The following LPP variants were observed in gnomAD, a reference collection of about 807,000 sequenced individuals.
LPP encodes lipoma-preferred partner.
A neutral mutation model predicts 60.4 loss-of-function variants in LPP; 38 were observed. The ratio of observed to expected loss-of-function variants is 0.63; its 90% CI spans 0.49 to 0.83. The LOEUF is 0.83. LPP is among the 40% of genes least tolerant of loss of function. LPP has a pLI of 0.00. For synonymous variants in LPP, 328 were observed against 290.8 expected, an observed-to-expected ratio of 1.13 and a Z score of -1.30; for missense variants, 902 against 783.6, an observed-to-expected ratio of 1.15 and a Z score of -1.80.
At chr3:188,707,664 C>T (rs1865752710) in intron 7 of LPP, among the ~76,000 whole-genome samples, 2 of 152,202 alleles carry the variant, frequency 1.3e-5, no homozygotes, top group East Asian at 3.9e-4. Flanking sequence ...ATCTCATTTC[C>T]TATCTCAAAG....
At chr3:188,191,588 G>T (rs1206056351) in intron 1 of LPP, among the ~76,000 whole-genome samples, 1 of 152,194 alleles carries the variant, frequency 6.6e-6, no homozygotes, top group African/African-American at 2.4e-5. Flanking sequence ...ATCAAATTCA[G>T]TCTGACCCCA....
In LPP at chr3:188,875,444, G is replaced by A; in HGVS notation, c.*965G>A. 4.6e-6 allele frequency: 1 copy of A among 216,274 alleles called. No homozygotes were observed. The highest frequency in any genetic ancestry group is 9.3e-6 in the Non-Finnish European group (1 of 107,400). The allele number at this position is 216,274 out of a possible 1,614,324, so 13.4% of individuals were successfully genotyped here. ...TTGCCTTTTTCTCTAGAGGATGAAGGCTGTGAAAAAACCGTTCAAATTCTC... is the reference window on the plus strand; with the variant it reads ...TTGCCTTTTTCTCTAGAGGATGAAGACTGTGAAAAAACCGTTCAAATTCTC... On this transcript the variant is annotated 3_prime_UTR_variant, in exon 12 of 12. Transcript: ENST00000617246.
rs1008049437 is a variant in LPP, at chr3:188,352,122, CG to C, written c.-10+10404del. Among the ~76,000 whole-genome samples the C allele has an allele frequency of 4.6e-5, 7 of 152,082 alleles. No homozygotes were observed. Among genetic ancestry groups the C allele is most frequent in the African/African-American group, 1.4e-4 (6 of 41,384 alleles). ...TTCTCCTGACTTAACCTTGGGTGGCCGCAGGTCTTAAGGCTCTGTGATGGCA... is the reference window on the plus strand; with the variant it reads ...TTCTCCTGACTTAACCTTGGGTGGCCCAGGTCTTAAGGCTCTGTGATGGCA... On this transcript the variant is annotated intron_variant, in intron 3 of 11. Transcript: ENST00000617246. This position sits in a 1 kb window ranked among gnomAD's most constrained non-coding sequence, Gnocchi z 4.4.
chr3:188,789,084 TTTG>T (rs1443384610), intron 9 of LPP, among the ~76,000 whole-genome samples: 2 of 142,262 alleles, frequency 1.4e-5, no homozygotes, highest in Non-Finnish European at 3.0e-5. Context: ...TAGTGAGTCT[TTTG>T]TTGTTGTTGG....
intron 2 of LPP, among the ~76,000 whole-genome samples, chr3:188,332,663 A>G (rs1760437392): frequency 1.3e-5 from 2 of 152,188 alleles, no homozygotes; most frequent in Non-Finnish European, 2.9e-5. Flanking sequence ...TGATAAAACA[A>G]TATGGTAATT....
At chr3:188,592,557 G>GTTTGTTTGTTTTTTTTTTTTTTT (rs1260656926) in intron 6 of LPP, among the ~76,000 whole-genome samples, 19 of 85,790 alleles carry the variant, frequency 2.2e-4, no homozygotes, top group African/African-American at 2.7e-4. Flanking sequence ...TTTTGTTTTT[G>GTTTGTTTGTTTTTTTTTTTTTTT]TTTTTTAAAT....
intron 6 of LPP, chr3:188,562,096 C>T (rs1048296705): frequency 6.6e-6 from 1 of 151,936 alleles, no homozygotes; most frequent in African/African-American, 2.4e-5. Context: ...CATACAAACA[C>T]ACACACTCAT....
chr3:188,342,295 G>C (rs1342431673), intron 3 of LPP, among the ~76,000 whole-genome samples: 1 of 152,156 alleles, frequency 6.6e-6, no homozygotes. Context: ...TGCATCCATT[G>C]TATCTGAATG....
chr3:188,240,424 G>A (rs1723879495), intron 2 of LPP, among the ~76,000 whole-genome samples: 2 of 151,090 alleles, frequency 1.3e-5, no homozygotes, highest in Non-Finnish European at 1.5e-5. Context: ...AAATGAAGAG[G>A]GAGAGGTCAG....
intron 4 of LPP, among the ~76,000 whole-genome samples, chr3:188,432,496 A>T (rs142191674): frequency 6.6e-6 from 1 of 152,292 alleles, no homozygotes; most frequent in East Asian, 1.9e-4. Flanking sequence ...GCTATGAATC[A>T]GGGTGGATTC....
At chr3:188,454,702 A>G (rs1403218298) in intron 4 of LPP, among the ~76,000 whole-genome samples, 2 of 152,168 alleles carry the variant, frequency 1.3e-5, no homozygotes, top group African/African-American at 4.8e-5. Context: ...ACATGGCGGA[A>G]GCAAGAGAAA....
At position 188,888,041 on chromosome 3, in the gene LPP, T is replaced by C. The variant is rs1578141567; in HGVS notation, c.*13562T>C. On this transcript the variant is annotated 3_prime_UTR_variant, in exon 12 of 12. Coordinates refer to ENST00000617246, the MANE Select transcript of LPP (RefSeq NM_001375462.1). ...TGTATAAAATTATCATGTGGCTTAA[T>C]GTGCCTTAAGTGAAAATTTAAACTT... 1 of 216,738 alleles carries C rather than the reference T, an allele frequency of 4.6e-6. No homozygotes were observed. Among genetic ancestry groups the C allele is most frequent in the Non-Finnish European group, 9.3e-6 (1 of 107,692 alleles). 13.4% of individuals were successfully genotyped at this position (216,738 alleles called of 1,614,324 possible). A position where few individuals can be genotyped will look rare whatever the true frequency, so the allele number is the denominator to read the frequency against.
intron 9 of LPP, among the ~76,000 whole-genome samples, chr3:188,857,639 G>A (rs1291313836): frequency 2.6e-5 from 4 of 152,136 alleles, no homozygotes; most frequent in Admixed American, 2.6e-4. Context: ...GGTATAATAA[G>A]GTTTACACAG....
intron 7 of LPP, among the ~76,000 whole-genome samples, chr3:188,668,858 C>G (rs1275749802): frequency 6.6e-6 from 1 of 152,146 alleles, no homozygotes; most frequent in Non-Finnish European, 1.5e-5. Context: ...TGGCTAAGAT[C>G]AAGTGTATTG....
At chr3:188,463,484 G>T (rs59520102) in intron 4 of LPP, among the ~76,000 whole-genome samples, 3 of 151,928 alleles carry the variant, frequency 2.0e-5, no homozygotes, top group Admixed American at 6.6e-5. Flanking sequence ...AATATATTTG[G>T]CAATTATATC....
At chr3:188,451,252 C>A (rs1002854144) in intron 4 of LPP, among the ~76,000 whole-genome samples, 46 of 152,068 alleles carry the variant, frequency 3.0e-4, no homozygotes, top group African/African-American at 1.1e-3. Context: ...CAGATTCAGT[C>A]TCTCAAAATT....
At chr3:188,767,650 G>A in intron 9 of LPP, among the ~76,000 whole-genome samples, 1 of 152,048 alleles carries the variant, frequency 6.6e-6, no homozygotes, top group East Asian at 1.9e-4. Flanking sequence ...TACTGTGGCT[G>A]GCAGAATTAC....
At chr3:188,448,577 G>A (rs1795866932) in intron 4 of LPP, among the ~76,000 whole-genome samples, 1 of 152,084 alleles carries the variant, frequency 6.6e-6, no homozygotes, top group South Asian at 2.1e-4. Context: ...GGCTAAATAT[G>A]GGGACCAATC....
chr3:188,261,832 G>A (rs1166147919), intron 2 of LPP, among the ~76,000 whole-genome samples: 4 of 152,044 alleles, frequency 2.6e-5, no homozygotes, highest in Non-Finnish European at 5.9e-5. Context: ...TGGGAGGATC[G>A]CTTGAACCCA....
Sources: gnomAD v4.1 joint callset for allele counts (sites outside exome capture counted in the v4.1 genomes callset) on GRCh38, gnomAD v4.1.1 for gene constraint, Gnocchi (gnomAD v3.1) non-coding constraint, MANE v1.5 for transcripts, NCBI Gene and HGNC (gene_info 2026-07-23, HGNC 2026-07-21) for gene names.